BABAM2: variants seen among roughly 807,000 people sequenced by gnomAD.
BABAM2 encodes BRISC and BRCA1-A complex member 2.
In BABAM2, 31 loss-of-function variants were observed where a neutral mutation model predicts 54.7. The ratio of observed to expected loss-of-function variants is 0.57; its 90% CI spans 0.43 to 0.77. The LOEUF (loss-of-function observed/expected upper bound fraction) is 0.77, where lower values mean the gene tolerates loss of function less well. Among genes scored for constraint, BABAM2 ranks in the 30% least tolerant of loss-of-function variants. The pLI, the probability that BABAM2 is intolerant of heterozygous loss-of-function variation, is 0.00. For synonymous variants in BABAM2, 167 were observed against 162.9 expected, an observed-to-expected ratio of 1.03 and a Z score of -0.19; for missense variants, 364 against 455.8, an observed-to-expected ratio of 0.80 and a Z score of 1.83.
At chr2:28,203,969 T>C (rs1173403667) in intron 7 of BABAM2, among the ~76,000 whole-genome samples, 1 of 152,256 alleles carries the variant, frequency 6.6e-6, no homozygotes, top group African/African-American at 2.4e-5. Flanking sequence ...TACTTTGTAT[T>C]ACCCAAATTT....
intron 11 of BABAM2, among the ~76,000 whole-genome samples, chr2:28,303,211 T>A (rs892421850): frequency 6.6e-6 from 1 of 152,196 alleles, no homozygotes; most frequent in Admixed American, 6.5e-5. Context: ...CTTCATTTTT[T>A]AAATGAAATC....
At position 27,894,521 on chromosome 2, in the gene BABAM2, T is replaced by G; in HGVS notation, c.-24-12T>G. 1 of 1,612,204 alleles carries G rather than the reference T, an allele frequency of 6.2e-7. No individual in the cohort carries two copies. The highest frequency in any genetic ancestry group is 1.7e-5 in the Admixed American group (1 of 60,010). ...GTAAGCCCTGATCATTATTCTTTCCTTCTGCTTTCAGTGGTGATTTACAAG... is the reference window on the plus strand; with the variant it reads ...GTAAGCCCTGATCATTATTCTTTCCGTCTGCTTTCAGTGGTGATTTACAAG... On this transcript the variant is annotated splice_polypyrimidine_tract_variant and intron_variant, in intron 1 of 11. Transcript: ENST00000379624.
intron 6 of BABAM2, among the ~76,000 whole-genome samples, chr2:28,084,753 A>G (rs1367982286): frequency 1.3e-5 from 2 of 152,166 alleles, no homozygotes; most frequent in Non-Finnish European, 1.5e-5. Flanking sequence ...TTTAGGGGCC[A>G]TGAGACGTGA....
At chr2:28,129,672 C>T (rs1053785913) in intron 7 of BABAM2, among the ~76,000 whole-genome samples, 3 of 152,102 alleles carry the variant, frequency 2.0e-5, no homozygotes, top group Non-Finnish European at 2.9e-5. Flanking sequence ...CCAGATGTTC[C>T]CTGGAGTTCG....
chr2:28,271,026 A>T (rs546665016), intron 10 of BABAM2, among the ~76,000 whole-genome samples: 1 of 152,302 alleles, frequency 6.6e-6, no homozygotes, highest in East Asian at 1.9e-4. Flanking sequence ...TGTACAGAAT[A>T]TGTTCCAGAG....
At chr2:28,307,305 C>T (rs1185789586) in intron 11 of BABAM2, among the ~76,000 whole-genome samples, 2 of 151,794 alleles carry the variant, frequency 1.3e-5, no homozygotes, top group Non-Finnish European at 2.9e-5. Context: ...CCACACCTGG[C>T]CTTAATTGGA....
intron 6 of BABAM2, among the ~76,000 whole-genome samples, chr2:28,063,305 G>A (rs1041151151): frequency 6.6e-6 from 1 of 152,210 alleles, no homozygotes; most frequent in African/African-American, 2.4e-5. Context: ...AGCCGCATAT[G>A]CAACTTAACA....
intron 7 of BABAM2, among the ~76,000 whole-genome samples, chr2:28,208,381 C>G (rs1358568987): frequency 6.6e-6 from 1 of 152,084 alleles, no homozygotes; most frequent in African/African-American, 2.4e-5. Flanking sequence ...GGTTTTGAGA[C>G]CTTTAAATTT....
Position 28,338,482 on chromosome 2 carries a change from A to G in BABAM2, c.1121A>G (p.Gln374Arg). 2 of 1,614,114 alleles carry G rather than the reference A, an allele frequency of 1.2e-6. No homozygotes were observed. Among genetic ancestry groups the G allele is most frequent in the Middle Eastern group, 1.6e-4 (1 of 6,062 alleles). The change falls in exon 12 of 12, where the codon CAG becomes CGG. Residue 374 changes from glutamine to arginine, a missense_variant. Coordinates refer to ENST00000379624, the MANE Select transcript of BABAM2 (RefSeq NM_199191.3). ...TTCAAAACCTTTGTCCCTCAGTTCC[A>G]GGAGGCAGCATTTGCCAATGGAAAG... is the stretch of plus-strand genomic sequence containing the variant. ...AYFKTFVPQF[Q>R]EAAFANGKL is the part of the protein sequence containing the mutation.
At chr2:28,069,135 T>C (rs1663893509) in intron 6 of BABAM2, among the ~76,000 whole-genome samples, 1 of 152,230 alleles carries the variant, frequency 6.6e-6, no homozygotes, top group African/African-American at 2.4e-5. Flanking sequence ...ATTTGTTCTC[T>C]TCCTCTCTTG....
intron 7 of BABAM2, among the ~76,000 whole-genome samples, chr2:28,222,618 G>T (rs1400498915): frequency 6.6e-6 from 1 of 152,160 alleles, no homozygotes; most frequent in Non-Finnish European, 1.5e-5. Flanking sequence ...TAGTGTTTTG[G>T]TTTTGAAGCC....
intron 1 of BABAM2, among the ~76,000 whole-genome samples, chr2:27,893,868 C>T (rs1156646618): frequency 2.0e-5 from 3 of 151,930 alleles, no homozygotes; most frequent in Non-Finnish European, 2.9e-5. Flanking sequence ...GTGGCATGTG[C>T]CTGTAGTCCC....
intron 6 of BABAM2, among the ~76,000 whole-genome samples, chr2:28,079,274 C>T (rs1168151181): frequency 4.6e-5 from 7 of 152,058 alleles, no homozygotes; most frequent in Admixed American, 4.6e-4. Flanking sequence ...CTTTGTATTT[C>T]ATGTTATGTT....
intron 6 of BABAM2, among the ~76,000 whole-genome samples, chr2:28,094,864 T>C (rs1290138968): frequency 6.6e-6 from 1 of 151,848 alleles, no homozygotes; most frequent in Non-Finnish European, 1.5e-5. Flanking sequence ...TACTTAACAA[T>C]GCATCTTGGC....
In BABAM2 at chr2:28,244,973, T is replaced by C. The variant is rs1400276669; in HGVS notation, c.934+111T>C. ...TGTCCTGTCTCGGTTCCTTTTACTGTAGCGTATATATATATTTATTGTGGG... is the reference window on the plus strand; with the variant it reads ...TGTCCTGTCTCGGTTCCTTTTACTGCAGCGTATATATATATTTATTGTGGG... On this transcript the variant is annotated intron_variant, in intron 10 of 11. Transcript: ENST00000379624. 3.7e-6 allele frequency: 3 copies of C among 814,794 alleles called. No individual in the cohort carries two copies. In the African/African-American group the frequency reaches 5.2e-5, roughly 14 times the overall value. 50.5% of individuals were successfully genotyped at this position (814,794 alleles called of 1,614,324 possible). A position where few individuals can be genotyped will look rare whatever the true frequency, so the allele number is the denominator to read the frequency against.
Position 28,015,747 on chromosome 2 carries a change from T to C in BABAM2, c.301-9479T>C, listed in dbSNP as rs1674753659. On this transcript the variant is annotated intron_variant, in intron 4 of 11. Transcript: ENST00000379624. ...AAGGGAATCCTGATTTTTCTGAATGTTATGGTGAGTCAGGACTTGAACTAG... is the reference window on the plus strand; with the variant it reads ...AAGGGAATCCTGATTTTTCTGAATGCTATGGTGAGTCAGGACTTGAACTAG... The C allele has an allele frequency of 1.1e-5, 12 of 1,073,850 alleles. 1 individual carries two copies. In the South Asian group the frequency reaches 1.8e-4, roughly 16 times the overall value. The allele number at this position is 1,073,850 out of a possible 1,614,324, so 66.5% of individuals were successfully genotyped here.
At chr2:28,015,790 T>C in intron 4 of BABAM2, 1 of 1,057,156 alleles carries the variant, frequency 9.5e-7, no homozygotes, top group South Asian at 1.4e-5. Flanking sequence ...CTTTTTCTTC[T>C]TCCACTGTTT....
At chr2:28,178,217 T>C (rs1272981112) in intron 7 of BABAM2, among the ~76,000 whole-genome samples, 3 of 152,128 alleles carry the variant, frequency 2.0e-5, no homozygotes, top group Non-Finnish European at 4.4e-5. Flanking sequence ...CAACAGCACA[T>C]GGAACATTTT....
At chr2:27,901,740 G>A (rs866611429) in intron 2 of BABAM2, among the ~76,000 whole-genome samples, 2 of 152,132 alleles carry the variant, frequency 1.3e-5, no homozygotes. Context: ...GCCCAATCTC[G>A]TCTGAAGATG....
Sources: allele counts gnomAD v4.1 joint callset (sites outside exome capture counted in the v4.1 genomes callset), GRCh38; gene constraint gnomAD v4.1.1; transcripts MANE v1.5; gene names NCBI Gene and HGNC (gene_info 2026-07-23, HGNC 2026-07-21).